TFB1M: variants seen among roughly 807,000 people sequenced by gnomAD.
TFB1M encodes the protein dimethyladenosine transferase 1, mitochondrial.
Under a neutral mutation model 31.1 loss-of-function variants are expected in TFB1M, and 27 were observed. That is an observed-to-expected ratio of 0.87 (90% CI 0.64 to 1.20). TFB1M has a LOEUF of 1.20. TFB1M is among the 50% of genes most tolerant of loss of function. TFB1M has a pLI of 0.00. For synonymous variants in TFB1M, 166 were observed against 151.8 expected (o/e 1.09, Z -0.69); for missense variants, 394 against 418.7 (o/e 0.94, Z 0.51).
the TFB1M span, among the ~76,000 whole-genome samples, chr6:155,242,395 T>A: frequency 6.6e-6 from 1 of 152,244 alleles, no homozygotes; most frequent in South Asian, 2.1e-4. Flanking sequence ...ATTTTTGACA[T>A]CTATGTGTTC....
chr6:155,250,997 A>C, the TFB1M span: 1 of 1,614,180 alleles, frequency 6.2e-7, no homozygotes, highest in East Asian at 2.2e-5. Flanking sequence ...AAAAGCTAGA[A>C]AGGACCTTGA....
At chr6:155,282,626 T>C (rs1006905598) in intron 5 of TFB1M, among the ~76,000 whole-genome samples, 3 of 152,258 alleles carry the variant, frequency 2.0e-5, no homozygotes, top group Non-Finnish European at 2.9e-5. Context: ...TATGTGCGTC[T>C]AGGACTTTCT....
chr6:155,304,260 C>A (rs1195770638), intron 2 of TFB1M, among the ~76,000 whole-genome samples: 3 of 152,076 alleles, frequency 2.0e-5, no homozygotes, highest in African/African-American at 7.2e-5. Flanking sequence ...CCAGCCTGGG[C>A]ACCAGGAGCG....
downstream of TFB1M, chr6:155,252,125 G>GTAAC: frequency 1.4e-6 from 1 of 700,562 alleles, no homozygotes; most frequent in East Asian, 2.7e-5. Context: ...TACTCTGAGG[G>GTAAC]TAACTAACCC....
intron 5 of TFB1M, among the ~76,000 whole-genome samples, chr6:155,265,905 T>C: frequency 6.6e-6 from 1 of 151,784 alleles, no homozygotes; most frequent in Non-Finnish European, 1.5e-5. Context: ...CTGAAGAACT[T>C]GGGAGTCCAA....
intron 5 of TFB1M, among the ~76,000 whole-genome samples, chr6:155,263,180 T>C (rs1475175199): frequency 6.6e-6 from 1 of 152,206 alleles, no homozygotes; most frequent in African/African-American, 2.4e-5. Flanking sequence ...TCTAGAACTA[T>C]AGGAAAGCTG....
the TFB1M span, among the ~76,000 whole-genome samples, chr6:155,249,229 A>C: frequency 1.3e-5 from 2 of 152,250 alleles, no homozygotes; most frequent in Non-Finnish European, 2.9e-5. Flanking sequence ...AAAATAATGT[A>C]TCTCTCATAT....
chr6:155,243,274 T>G, the TFB1M span, among the ~76,000 whole-genome samples: 1 of 152,096 alleles, frequency 6.6e-6, no homozygotes, highest in Non-Finnish European at 1.5e-5. Flanking sequence ...AACTTGACCC[T>G]CCCAGCTCCA....
At chr6:155,252,830 C>A, downstream of TFB1M, 2 of 853,690 alleles carry the variant, frequency 2.3e-6, no homozygotes, top group Non-Finnish European at 3.7e-6. Context: ...CCTGAACACC[C>A]ACATGGCTGC....
rs538193891 is a variant in TFB1M at position 155,284,966 on chromosome 6, C to T, written c.666+192G>A. On this transcript the variant is annotated intron_variant, in intron 5 of 6. Coordinates refer to ENST00000367166, the MANE Select transcript of TFB1M (RefSeq NM_016020.4). ...TGAACCTAAACATTTAGTCACCCTACCTAAGGAGAACAATTATAGTAAGAA... is the reference window on the plus strand; with the variant it reads ...TGAACCTAAACATTTAGTCACCCTATCTAAGGAGAACAATTATAGTAAGAA... Among the ~76,000 whole-genome samples the T allele has an allele frequency of 2.6e-5, 4 of 152,264 alleles. No homozygotes were observed. The South Asian group carries it at 8.3e-4, about 32-fold the overall frequency.
the TFB1M span, among the ~76,000 whole-genome samples, chr6:155,242,939 C>T: frequency 1.6e-3 from 244 of 150,754 alleles, no homozygotes; most frequent in Middle Eastern, 0.01. Flanking sequence ...AACAGGGTTT[C>T]ACCATGTTGG....
chr6:155,304,561 C>A (rs953177117), intron 2 of TFB1M, among the ~76,000 whole-genome samples: 2 of 152,044 alleles, frequency 1.3e-5, no homozygotes, highest in Non-Finnish European at 2.9e-5. Flanking sequence ...GAATTCTACA[C>A]ACAAGAAACA....
Position 155,306,910 on chromosome 6 carries a change from C to T in TFB1M, c.285+4278G>A, listed in dbSNP as rs920198172. Among the ~76,000 whole-genome samples the T allele has an allele frequency of 7.2e-5, 11 of 151,966 alleles. No homozygotes were observed. The East Asian group carries it at 7.7e-4, about 11-fold the overall frequency. On this transcript the variant is annotated intron_variant, in intron 2 of 6. Coordinates refer to ENST00000367166, the MANE Select transcript of TFB1M (RefSeq NM_016020.4). Reference sequence around the variant, plus strand: ...CTGAGGTGGGCAGATTGCTTAAGCCCGGGAGTTTGAGACCACCATGTAGAA... The same window carrying T: ...CTGAGGTGGGCAGATTGCTTAAGCCTGGGAGTTTGAGACCACCATGTAGAA...
chr6:155,266,846 C>CAAAAAAAA (rs1213939199), intron 5 of TFB1M, among the ~76,000 whole-genome samples: 2 of 62,832 alleles, frequency 3.2e-5, no homozygotes, highest in African/African-American at 1.2e-4. Context: ...GACTCCGTCT[C>CAAAAAAAA]AAAAAAAAAA....
chr6:155,304,565 A>T (rs927519277), intron 2 of TFB1M, among the ~76,000 whole-genome samples: 44 of 152,298 alleles, frequency 2.9e-4, no homozygotes, highest in Non-Finnish European at 1.5e-4. Context: ...TCTACACACA[A>T]GAAACACGAA....
chr6:155,278,195 C>T (rs1785309202), intron 5 of TFB1M, among the ~76,000 whole-genome samples: 1 of 152,196 alleles, frequency 6.6e-6, no homozygotes, highest in Non-Finnish European at 1.5e-5. Flanking sequence ...CTCACTCCCT[C>T]ACTACCAAAG....
chr6:155,240,466 G>A, the TFB1M span: 24 of 1,506,740 alleles, frequency 1.6e-5, no homozygotes, highest in Admixed American at 2.4e-4. Context: ...TGGTGCCCTT[G>A]GGGGCAGCGG....
At chr6:155,231,126 G>A in the TFB1M span, among the ~76,000 whole-genome samples, 1 of 152,148 alleles carries the variant, frequency 6.6e-6, no homozygotes, top group Non-Finnish European at 1.5e-5. Flanking sequence ...ATAGGCGTGA[G>A]CCACTGCACC....
intron 5 of TFB1M, among the ~76,000 whole-genome samples, chr6:155,275,062 CAA>C (rs748259610): frequency 9.0e-5 from 12 of 133,456 alleles, no homozygotes; most frequent in East Asian, 2.1e-4. Flanking sequence ...ACTAAAAATA[CAA>C]AAAAAAAAAA....
Sources: allele counts gnomAD v4.1 joint callset (sites outside exome capture counted in the v4.1 genomes callset), GRCh38; gene constraint gnomAD v4.1.1; transcripts MANE v1.5; gene names NCBI Gene and HGNC (gene_info 2026-07-23, HGNC 2026-07-21).